PCYOX1: variants seen among roughly 807,000 people sequenced by gnomAD.
The protein encoded by PCYOX1 is prenylcysteine lyase.
A neutral mutation model predicts 46.4 loss-of-function variants in PCYOX1; 46 were observed. The observed-to-expected ratio is 0.99, with a 90% CI of 0.78 to 1.27. The LOEUF (loss-of-function observed/expected upper bound fraction) is 1.27, where lower values mean the gene tolerates loss of function less well. Among genes scored for constraint, PCYOX1 ranks in the 50% most tolerant of loss-of-function variants. PCYOX1 has a pLI of 0.00. For synonymous variants in PCYOX1, 220 were observed against 231.8 expected (o/e 0.95, Z 0.46); for missense variants, 658 against 628.3 (o/e 1.05, Z -0.51).
chr2:70,261,284 G>C lies in PCYOX1; in HGVS notation c.392G>C (p.Ser131Thr). 1 of 1,609,716 alleles carries C rather than the reference G, an allele frequency of 6.2e-7. No individual in the cohort carries two copies. The highest frequency in any genetic ancestry group is 8.5e-7 in the Non-Finnish European group (1 of 1,175,916). ...YNGETLVFEE[S>T]NWFIINVIKL... The stretch of plus-strand genomic sequence containing the variant: ...GGAGAGACTCTGGTATTTGAGGAGA[G>C]CAACTGGTTCATAATTAACGTGATT... The change falls in exon 3 of 6, where the codon AGC becomes ACC. Residue 131 changes from serine to threonine, a missense_variant. By Grantham distance (58) the Ser-to-Thr change is moderately conservative. Coordinates refer to ENST00000433351, the MANE Select transcript of PCYOX1 (RefSeq NM_016297.4).
Position 70,275,671 on chromosome 2 carries a change from G to C in PCYOX1, c.859+5G>C. On this transcript the variant is annotated splice_donor_5th_base_variant and intron_variant, in intron 5 of 5. Transcript: ENST00000433351. The stretch of plus-strand genomic sequence containing the variant: ...AAACAAAGACCAAGTACACAGGTAA[G>C]CTTGAATTTCTTATTGTTCCTGATA... The C allele has an allele frequency of 6.2e-7, 1 of 1,612,300 alleles. No homozygotes were observed. The highest frequency in any genetic ancestry group is 8.5e-7 in the Non-Finnish European group (1 of 1,179,132).
chr2:70,268,718 T>TA, intron 3 of PCYOX1, among the ~76,000 whole-genome samples: 1 of 151,464 alleles, frequency 6.6e-6, no homozygotes, highest in Non-Finnish European at 1.5e-5. Flanking sequence ...GAGAATCACT[T>TA]GAACCTGGGC....
At position 70,258,261 on chromosome 2, in the gene PCYOX1, C is replaced by G; in HGVS notation, c.97C>G (p.Pro33Ala). ...CCCCGAGGGCGCCGAGCTGCGTGCT[C>G]CGCCAGATAAAATCGGTAGGCGAGA... is the stretch of plus-strand genomic sequence containing the variant. ...GCPEGAELRAPPDKIAIIGAG... is the reference protein window; with the variant it reads ...GCPEGAELRAAPDKIAIIGAG... The change falls in exon 1 of 6, where the codon CCG (proline) becomes GCG (alanine). Residue 33 changes from proline to alanine, a missense_variant. Physicochemically the swap from Pro to Ala is conservative, Grantham distance 27. Transcript: ENST00000433351. 1.3e-6 allele frequency: 2 copies of G among 1,589,292 alleles called. No individual in the cohort carries two copies. Among genetic ancestry groups the G allele is most frequent in the South Asian group, 1.1e-5 (1 of 89,948 alleles).
At chr2:70,274,858 C>G (rs1696647302) in intron 3 of PCYOX1, 101 bp from the exon 4 acceptor site, 1 of 792,650 alleles carries the variant, frequency 1.3e-6, no homozygotes, top group African/African-American at 1.7e-5. Context: ...GCCACTGCAC[C>G]TAGATGTCAG....
In PCYOX1 at chr2:70,274,943, CTCT is replaced by C. The variant is rs750948426; in HGVS notation, c.495-11_495-9del. 23 of 1,492,208 alleles carry C rather than the reference CTCT, an allele frequency of 1.5e-5. No individual in the cohort carries two copies. Among genetic ancestry groups the C allele is most frequent in the Non-Finnish European group, 2.1e-5 (22 of 1,069,024 alleles). 92.4% of individuals were successfully genotyped at this position (1,492,208 alleles called of 1,614,324 possible). ...ATCTTGTTTGGTATTTAATGGATTTCTCTTCTTTTCCAAAGGATCTACCGCTAC... is the reference window on the plus strand; with the variant it reads ...ATCTTGTTTGGTATTTAATGGATTTCTCTTTTCCAAAGGATCTACCGCTAC... On this transcript the variant is annotated splice_polypyrimidine_tract_variant and intron_variant, in intron 3 of 5. Coordinates refer to ENST00000433351, the MANE Select transcript of PCYOX1 (RefSeq NM_016297.4).
chr2:70,272,911 G>A (rs565243428), intron 3 of PCYOX1, among the ~76,000 whole-genome samples: 6 of 151,696 alleles, frequency 4.0e-5, no homozygotes, highest in South Asian at 2.1e-4. Flanking sequence ...TTGGCCAGGC[G>A]GTCTCAAACT....
chr2:70,259,445 T>G lies in PCYOX1; in HGVS notation c.198T>G (p.Phe66Leu), dbSNP rs34412656. ...GGAAAGATGTGAAGATAGACCTGTTTGAAAGAGAAGAGGTCGGGGGCCGCC... is the reference window on the plus strand; with the variant it reads ...GGAAAGATGTGAAGATAGACCTGTTGGAAAGAGAAGAGGTCGGGGGCCGCC... ...KFGKDVKIDL[F>L]EREEVGGRLA... Residue 66 changes from phenylalanine to leucine, a missense_variant, in exon 2 of 6, where the codon TTT (phenylalanine) becomes TTG (leucine). Coordinates refer to ENST00000433351, the MANE Select transcript of PCYOX1 (RefSeq NM_016297.4). The G allele has an allele frequency of 6.2e-7, 1 of 1,613,992 alleles. No individual in the cohort carries two copies. The highest frequency in any genetic ancestry group is 1.7e-5 in the Admixed American group (1 of 59,992).
intron 3 of PCYOX1, among the ~76,000 whole-genome samples, chr2:70,268,896 A>G (rs187536401): frequency 1.1e-4 from 17 of 151,978 alleles, no homozygotes; most frequent in African/African-American, 3.6e-4. Context: ...GCCTCAGAAG[A>G]AACCGAATGC....
intron 3 of PCYOX1, among the ~76,000 whole-genome samples, chr2:70,264,917 T>G (rs571683256): frequency 2.3e-4 from 35 of 151,834 alleles, no homozygotes; most frequent in African/African-American, 8.4e-4. Context: ...GCTGAGGCAG[T>G]AGAATCGCTT....
intron 3 of PCYOX1, among the ~76,000 whole-genome samples, chr2:70,263,665 CT>C (rs111364386): frequency 1.3e-3 from 193 of 144,522 alleles, no homozygotes; most frequent in Middle Eastern, 3.6e-3. Flanking sequence ...CTTTTCTTTT[CT>C]TTTTTTTTTT....
rs1392586785 is a variant in PCYOX1 at position 70,274,980 on chromosome 2, T to C, written c.516T>C (p.His172=). 1.2e-6 allele frequency: 2 copies of C among 1,608,782 alleles called. No homozygotes were observed. The highest frequency in any genetic ancestry group is 2.2e-5 in the South Asian group (2 of 90,968). The part of the protein sequence containing the change: ...KFMRIYRYQS[H]DYAFSSVEKL... ...AAAGGATCTACCGCTACCAGTCTCATGACTATGCCTTCAGTAGTGTCGAAA... is the reference window on the plus strand; with the variant it reads ...AAAGGATCTACCGCTACCAGTCTCACGACTATGCCTTCAGTAGTGTCGAAA... The change falls in exon 4 of 6, where the codon CAT becomes CAC. Residue 172 remains histidine, a synonymous_variant. Coordinates refer to ENST00000433351, the MANE Select transcript of PCYOX1 (RefSeq NM_016297.4).
intron 3 of PCYOX1, among the ~76,000 whole-genome samples, chr2:70,271,944 G>T (rs1696605756): frequency 6.6e-6 from 1 of 152,070 alleles, no homozygotes; most frequent in Admixed American, 6.6e-5. Flanking sequence ...CAAGATAAAG[G>T]TGTTACTCAA....
chr2:70,267,794 A>T (rs990710633), intron 3 of PCYOX1, among the ~76,000 whole-genome samples: 2 of 102,064 alleles, frequency 2.0e-5, no homozygotes, highest in South Asian at 3.3e-4. Context: ...GGAGAGGGGG[A>T]GGGGGAGGGG....
chr2:70,274,398 A>T (rs1278292285), intron 3 of PCYOX1, among the ~76,000 whole-genome samples: 2 of 151,560 alleles, frequency 1.3e-5, no homozygotes, highest in Non-Finnish European at 2.9e-5. Flanking sequence ...GGGTTTCACC[A>T]TGTTGGTCAG....
chr2:70,278,022 T>A lies in PCYOX1; in HGVS notation c.*630T>A, dbSNP rs1696711688. The A allele has an allele frequency of 6.6e-6, 1 of 152,248 alleles. No homozygotes were observed. The highest frequency in any genetic ancestry group is 6.5e-5 in the Admixed American group (1 of 15,276). The allele number at this position is 152,248 out of a possible 1,614,324, so 9.4% of individuals were successfully genotyped here. A position where few individuals can be genotyped will look rare whatever the true frequency, so the allele number is the denominator to read the frequency against. On this transcript the variant is annotated 3_prime_UTR_variant, in exon 6 of 6. Transcript: ENST00000433351. ...TTAGTAATTTCATACCGGTTTGAAG[T>A]ACGTGTGCCCATGCCTAAAGCCTTG...
rs745797525 is a variant in PCYOX1 at position 70,277,125 on chromosome 2, A to C, written c.1251A>C (p.Gln417His). ...IFSQETLTKA[Q>H]ILKLFLSYDY... ...CCCAAGAAACTCTTACTAAAGCACA[A>C]ATTTTAAAGCTCTTTCTGTCCTATG... is the stretch of plus-strand genomic sequence containing the variant. The change falls in exon 6 of 6, where the codon CAA becomes CAC. Residue 417 changes from glutamine to histidine, a missense_variant. Physicochemically the swap from Gln to His is conservative, Grantham distance 24. Coordinates refer to ENST00000433351, the MANE Select transcript of PCYOX1 (RefSeq NM_016297.4). 7.0e-5 allele frequency: 113 copies of C among 1,614,234 alleles called. 1 individual carries two copies. The South Asian group carries it at 1.1e-3, about 16-fold the overall frequency.
At chr2:70,260,516 T>C (rs1352159434) in intron 2 of PCYOX1, among the ~76,000 whole-genome samples, 2 of 152,188 alleles carry the variant, frequency 1.3e-5, no homozygotes, top group East Asian at 1.9e-4. Context: ...CACTCCAGCC[T>C]GGGCAACAAA....
At chr2:70,274,454 C>T (rs1448263444) in intron 3 of PCYOX1, among the ~76,000 whole-genome samples, 1 of 151,830 alleles carries the variant, frequency 6.6e-6, no homozygotes, top group Non-Finnish European at 1.5e-5. Context: ...CCTTGGCCTT[C>T]CAAAGAGCTA....
In PCYOX1 at chr2:70,261,218, C is replaced by T. The variant is rs1696430709; in HGVS notation, c.326C>T (p.Ser109Phe). Residue 109 changes from serine (S) to phenylalanine (F), a missense_variant, in exon 3 of 6, where the codon TCT (serine) becomes TTT (phenylalanine). Ser to Phe is a radical substitution (Grantham distance 155, BLOSUM62 -2). Transcript: ENST00000433351. ...MKRFVKDLGL[S>F]AVQASGGLLG... ...GTGCTTTATGTTTTTGCAGGTCTCT[C>T]TGCTGTTCAGGCCTCTGGTGGCCTA... The T allele has an allele frequency of 6.2e-7, 1 of 1,608,594 alleles. No individual in the cohort carries two copies. The highest frequency in any genetic ancestry group is 8.5e-7 in the Non-Finnish European group (1 of 1,175,268).
Sources: allele counts gnomAD v4.1 joint callset (sites outside exome capture counted in the v4.1 genomes callset), GRCh38; gene constraint gnomAD v4.1.1; transcripts MANE v1.5; gene names NCBI Gene and HGNC (gene_info 2026-07-23, HGNC 2026-07-21).